The following SH3RF2 variants were observed in gnomAD, a reference collection of about 807,000 sequenced individuals.
The protein encoded by SH3RF2 is E3 ubiquitin-protein ligase SH3RF2.
Under a neutral mutation model 59.0 loss-of-function variants are expected in SH3RF2, and 43 were observed. The ratio of observed to expected loss-of-function variants is 0.73; its 90% CI spans 0.57 to 0.94. The LOEUF (loss-of-function observed/expected upper bound fraction) is 0.94. Ranked by LOEUF, SH3RF2 falls within the 40% of genes least tolerant of loss-of-function variation. SH3RF2 has a pLI of 0.00. For synonymous variants in SH3RF2, 391 were observed against 391.5 expected (o/e 1.00, Z 0.01); for missense variants, 930 against 940.1 (o/e 0.99, Z 0.14).
intron 2 of SH3RF2, among the ~76,000 whole-genome samples, chr5:145,950,997 A>G (rs574505335): frequency 2.2e-4 from 33 of 152,358 alleles, no homozygotes; most frequent in Non-Finnish European, 4.6e-4. Context: ...CTGAGTCTCA[A>G]TATTCCAGCA....
intron 5 of SH3RF2, among the ~76,000 whole-genome samples, chr5:146,035,460 C>CTATTAAA (rs1761901603): frequency 6.6e-6 from 1 of 151,858 alleles, no homozygotes; most frequent in Non-Finnish European, 1.5e-5. Context: ...AGGAAAAAAG[C>CTATTAAA]GTCCCTAAAC....
At chr5:145,956,567 C>T (rs896737177) in intron 2 of SH3RF2, among the ~76,000 whole-genome samples, 1 of 152,134 alleles carries the variant, frequency 6.6e-6, no homozygotes, top group Non-Finnish European at 1.5e-5. Flanking sequence ...TGAGACACTG[C>T]GCCTGGCCAT....
At chr5:145,961,042 A>G (rs761761435) in intron 2 of SH3RF2, among the ~76,000 whole-genome samples, 1 of 152,104 alleles carries the variant, frequency 6.6e-6, no homozygotes, top group Non-Finnish European at 1.5e-5. Flanking sequence ...GCTAACACAT[A>G]CTCCTACAGT....
At chr5:146,064,703 A>G (rs1328602563), downstream of SH3RF2, among the ~76,000 whole-genome samples, 108 of 11,174 alleles carry the variant, frequency 9.7e-3, 1 homozygote, top group East Asian at 0.029. Context: ...AGAAAGAAAG[A>G]AAGAAAGAAA....
In SH3RF2 at chr5:146,017,169, C is replaced by T. The variant is rs181567516; in HGVS notation, c.1059+3108C>T. 2.0e-4 allele frequency among the ~76,000 whole-genome samples: 30 copies of T among 152,264 alleles called. No homozygotes were observed. The East Asian group carries it at 2.7e-3, about 14-fold the overall frequency. On this transcript the variant is annotated intron_variant, in intron 5 of 9. Transcript: ENST00000359120. ...TGACCTCACAGATGAACTGCAACTA[C>T]GGACTAAAAACAATGGCACTCGAAA...
rs946949334 is a variant in SH3RF2, at chr5:146,047,154, C to T, written c.1060-618C>T. On this transcript the variant is annotated intron_variant, in intron 5 of 9. Coordinates refer to ENST00000359120, the MANE Select transcript of SH3RF2 (RefSeq NM_152550.4). ...CAACTACTATAAGTCATTGGATAGG[C>T]GTGTGTGTGTGTGTGTGTGTGTGTT... is the stretch of plus-strand genomic sequence containing the variant. Among the ~76,000 whole-genome samples the T allele has an allele frequency of 6.7e-5, 10 of 148,228 alleles. No individual in the cohort carries two copies. The East Asian group carries it at 1.4e-3, about 20-fold the overall frequency.
rs923899367 is a variant in SH3RF2 at position 146,026,069 on chromosome 5, T to A, written c.1059+12008T>A. 2.0e-5 allele frequency among the ~76,000 whole-genome samples: 3 copies of A among 152,202 alleles called. No homozygotes were observed. In the East Asian group the frequency reaches 5.8e-4, roughly 29 times the overall value. ...TGGGCCAAACGTTTTAAAATCTAAATGATCATTCCAATCTGAATGTTTTAA... is the reference window on the plus strand; with the variant it reads ...TGGGCCAAACGTTTTAAAATCTAAAAGATCATTCCAATCTGAATGTTTTAA... On this transcript the variant is annotated intron_variant, in intron 5 of 9. Transcript: ENST00000359120.
At chr5:145,973,940 A>T (rs992148910) in intron 2 of SH3RF2, among the ~76,000 whole-genome samples, 5 of 152,252 alleles carry the variant, frequency 3.3e-5, no homozygotes, top group Non-Finnish European at 7.3e-5. Flanking sequence ...TTAGAGGCAT[A>T]AAACAACACA....
In SH3RF2 at chr5:145,963,239, GATGA is replaced by G. The variant is rs1309708607; in HGVS notation, c.378+24937_378+24940del. 8.6e-3 allele frequency among the ~76,000 whole-genome samples: 1,191 copies of G among 138,096 alleles called. 19 individuals are homozygous for G. The highest frequency in any genetic ancestry group is 0.033 in the African/African-American group (1,158 of 34,836). The allele number at this position is 138,096 out of a possible 152,430, so 90.6% of individuals were successfully genotyped here. A position where few individuals can be genotyped will look rare whatever the true frequency, so the allele number is the denominator to read the frequency against. ...AATAGCTTGCACAAAATAAATACTG[GATGA>G]ATGGATGGATGGATGGATGGATGGA... On this transcript the variant is annotated intron_variant, in intron 2 of 9. Coordinates refer to ENST00000359120, the MANE Select transcript of SH3RF2 (RefSeq NM_152550.4).
intron 5 of SH3RF2, among the ~76,000 whole-genome samples, chr5:146,017,815 G>A (rs115407678): frequency 2.2e-4 from 33 of 151,918 alleles, no homozygotes; most frequent in African/African-American, 7.2e-4. Context: ...CAATCACTTC[G>A]CCTCACCCCG....
At chr5:145,973,431 C>A (rs1461959453) in intron 2 of SH3RF2, among the ~76,000 whole-genome samples, 1 of 152,196 alleles carries the variant, frequency 6.6e-6, no homozygotes, top group Admixed American at 6.5e-5. Context: ...TTGAACTTCT[C>A]TCAAAATTAA....
chr5:146,036,400 A>G lies in SH3RF2; in HGVS notation c.1060-11372A>G, dbSNP rs543641137. The stretch of plus-strand genomic sequence containing the variant: ...GACATTGTCTCTACTTAAAATAAAA[A>G]TTGTTTTTATATGGCCAGGCATGGT... On this transcript the variant is annotated intron_variant, in intron 5 of 9. Transcript: ENST00000359120. Among the ~76,000 whole-genome samples, 10 of 152,304 alleles carry G rather than the reference A, an allele frequency of 6.6e-5. No homozygotes were observed. In the East Asian group the frequency reaches 1.7e-3, roughly 26 times the overall value.
At chr5:146,075,946 T>C (rs1763334600) in intron 9 of SH3RF2, among the ~76,000 whole-genome samples, 1 of 152,158 alleles carries the variant, frequency 6.6e-6, no homozygotes, top group South Asian at 2.1e-4. Flanking sequence ...CCCTGGCCTG[T>C]AGACAGTGCT....
At chr5:145,983,647 A>C (rs1702453545) in intron 2 of SH3RF2, among the ~76,000 whole-genome samples, 1 of 152,144 alleles carries the variant, frequency 6.6e-6, no homozygotes, top group African/African-American at 2.4e-5. Flanking sequence ...CAATGTTCTG[A>C]ATAGGCAGAA....
At chr5:145,954,909 C>T (rs945466433) in intron 2 of SH3RF2, among the ~76,000 whole-genome samples, 4 of 151,556 alleles carry the variant, frequency 2.6e-5, no homozygotes, top group African/African-American at 4.9e-5. Context: ...AGGAGAGGGT[C>T]GGGGAGTTGC....
At chr5:146,071,823 CT>C (rs1234038120) in intron 9 of SH3RF2, among the ~76,000 whole-genome samples, 1 of 152,184 alleles carries the variant, frequency 6.6e-6, no homozygotes, top group Non-Finnish European at 1.5e-5. Context: ...GACTATGCAC[CT>C]CCTAGTAGAG....
chr5:146,015,313 C>T lies in SH3RF2; in HGVS notation c.1059+1252C>T, dbSNP rs116720985. ...GCCCACCAACTGCACCACATGCACACGCACACACATACACACTTTCTCTTT... is the reference window on the plus strand; with the variant it reads ...GCCCACCAACTGCACCACATGCACATGCACACACATACACACTTTCTCTTT... On this transcript the variant is annotated intron_variant, in intron 5 of 9. Transcript: ENST00000359120. Among the ~76,000 whole-genome samples the T allele has an allele frequency of 4.3e-3, 662 of 152,258 alleles. 9 individuals are homozygous for T. The highest frequency in any genetic ancestry group is 0.015 in the African/African-American group (612 of 41,528).
intron 4 of SH3RF2, among the ~76,000 whole-genome samples, chr5:146,013,014 C>T (rs1760966787): frequency 6.6e-6 from 1 of 151,816 alleles, no homozygotes; most frequent in Non-Finnish European, 1.5e-5. Flanking sequence ...ACATCACTGA[C>T]TAAGAGATAT....
intron 5 of SH3RF2, among the ~76,000 whole-genome samples, chr5:146,019,741 G>A (rs533748528): frequency 1.8e-4 from 27 of 152,204 alleles, no homozygotes; most frequent in Non-Finnish European, 2.4e-4. Context: ...AACATGGGAC[G>A]TATTTCCATT....
Sources: allele counts gnomAD v4.1 joint callset (sites outside exome capture counted in the v4.1 genomes callset), GRCh38; gene constraint gnomAD v4.1.1; transcripts MANE v1.5; gene names NCBI Gene and HGNC (gene_info 2026-07-23, HGNC 2026-07-21).